RAPGEF2: variants seen among roughly 807,000 people sequenced by gnomAD.
The protein encoded by RAPGEF2 is Rap guanine nucleotide exchange factor 2.
RAPGEF2 carries 54 observed loss-of-function variants against 186.7 expected under a neutral mutation model. The ratio of observed to expected loss-of-function variants is 0.29; its 90% CI spans 0.23 to 0.36. RAPGEF2 has a LOEUF of 0.36. RAPGEF2 is among the 10% of genes least tolerant of loss of function. The pLI, the probability that RAPGEF2 is intolerant of heterozygous loss-of-function variation, is 1.00. For missense variants in RAPGEF2, 1,532 were observed against 2,045.0 expected (o/e 0.75, Z 4.84); for synonymous variants, 712 against 705.9 (o/e 1.01, Z -0.14).
At chr4:159,144,996 C>G (rs558570053) in intron 1 of RAPGEF2, among the ~76,000 whole-genome samples, 5 of 146,294 alleles carry the variant, frequency 3.4e-5, no homozygotes, top group African/African-American at 1.3e-4. Flanking sequence ...TCAGGTGATT[C>G]TCCCACCTCA....
chr4:159,331,595 C>G, intron 14 of RAPGEF2, 35 bp from the exon 15 acceptor site: 1 of 1,611,652 alleles, frequency 6.2e-7, no homozygotes, highest in Non-Finnish European at 8.5e-7. Context: ...TCAGCCTGTT[C>G]TTGAGTTGAC....
intron 8 of RAPGEF2, among the ~76,000 whole-genome samples, chr4:159,308,339 GGA>G (rs1763554363): frequency 6.6e-6 from 1 of 152,190 alleles, no homozygotes; most frequent in Admixed American, 6.5e-5. Context: ...ATGTATCTAA[GGA>G]TCTAGTTATT....
intron 3 of RAPGEF2, among the ~76,000 whole-genome samples, chr4:159,199,619 AG>A (rs1749195200): frequency 6.6e-6 from 1 of 152,208 alleles, no homozygotes; most frequent in Non-Finnish European, 1.5e-5. Context: ...GAAACTGCTT[AG>A]TGAATAAAAA....
intron 1 of RAPGEF2, among the ~76,000 whole-genome samples, chr4:159,178,501 G>T (rs551421167): frequency 6.6e-6 from 1 of 150,970 alleles, no homozygotes; most frequent in Non-Finnish European, 1.5e-5. Flanking sequence ...AGAGAGCCCA[G>T]GATGTGGGGT....
intron 7 of RAPGEF2, among the ~76,000 whole-genome samples, chr4:159,289,843 A>G (rs923627561): frequency 8.5e-5 from 13 of 152,172 alleles, no homozygotes; most frequent in African/African-American, 3.1e-4. Flanking sequence ...GGGAACAATG[A>G]AGACCCAGGA....
Position 159,329,361 on chromosome 4 carries a change from C to G in RAPGEF2, c.1150-497C>G, listed in dbSNP as rs534095106. On this transcript the variant is annotated intron_variant, in intron 11 of 29. Transcript: ENST00000691494. ...TTTTGACCTTCTTTGAACAAGCTTT[C>G]TAAAATGGTGTTTCATCAATATAAT... 3.9e-5 allele frequency: 6 copies of G among 152,390 alleles called. No homozygotes were observed. In the East Asian group the frequency reaches 7.7e-4, roughly 20 times the overall value. 9.4% of individuals were successfully genotyped at this position (152,390 alleles called of 1,614,324 possible). A position where few individuals can be genotyped will look rare whatever the true frequency, so the allele number is the denominator to read the frequency against.
At chr4:159,346,396 A>G (rs1730309257) in intron 24 of RAPGEF2, among the ~76,000 whole-genome samples, 1 of 152,226 alleles carries the variant, frequency 6.6e-6, no homozygotes, top group South Asian at 2.1e-4. Flanking sequence ...ATACATGTCA[A>G]ACAATTTGGG....
intron 7 of RAPGEF2, among the ~76,000 whole-genome samples, chr4:159,271,699 G>A (rs1026864489): frequency 1.3e-5 from 2 of 152,120 alleles, no homozygotes; most frequent in African/African-American, 2.4e-5. Context: ...TGTGTAGACT[G>A]CATAATTATC....
intron 7 of RAPGEF2, among the ~76,000 whole-genome samples, chr4:159,284,318 G>A (rs1760137350): frequency 6.6e-6 from 1 of 152,086 alleles, no homozygotes; most frequent in Non-Finnish European, 1.5e-5. Flanking sequence ...GCCTTGATTT[G>A]GAGGGAGAAG....
intron 5 of RAPGEF2, among the ~76,000 whole-genome samples, chr4:159,239,092 C>CA (rs1262065520): frequency 6.6e-6 from 1 of 151,836 alleles, no homozygotes; most frequent in African/African-American, 2.4e-5. Context: ...AATTAAATGC[C>CA]AAAAAAATTT....
At chr4:159,168,564 G>A (rs1745575791) in intron 1 of RAPGEF2, among the ~76,000 whole-genome samples, 4 of 151,898 alleles carry the variant, frequency 2.6e-5, no homozygotes. Context: ...CCAAGAGCAT[G>A]CAGATTTATT....
intron 1 of RAPGEF2, among the ~76,000 whole-genome samples, chr4:159,157,395 A>C (rs1451758793): frequency 1.3e-5 from 2 of 152,170 alleles, no homozygotes; most frequent in East Asian, 1.9e-4. Context: ...CAAGTGGGAG[A>C]GGAGGGGCAT....
chr4:159,324,417 G>GT (rs977456234), intron 11 of RAPGEF2, among the ~76,000 whole-genome samples: 16 of 152,154 alleles, frequency 1.1e-4, no homozygotes. Context: ...TGAACTGCAC[G>GT]TAACTATGTG....
At chr4:159,291,440 C>T (rs1452726529) in intron 7 of RAPGEF2, among the ~76,000 whole-genome samples, 3 of 152,144 alleles carry the variant, frequency 2.0e-5, no homozygotes, top group Non-Finnish European at 2.9e-5. Context: ...GGACTACAGA[C>T]GTGTGTCATC....
At chr4:159,206,565 A>G (rs540951436) in intron 3 of RAPGEF2, among the ~76,000 whole-genome samples, 3 of 152,280 alleles carry the variant, frequency 2.0e-5, no homozygotes, top group Admixed American at 2.0e-4. Flanking sequence ...TCACTTTCCC[A>G]TTTTTACATA....
chr4:159,290,795 A>T (rs922548824), intron 7 of RAPGEF2, among the ~76,000 whole-genome samples: 1 of 152,012 alleles, frequency 6.6e-6, no homozygotes, highest in Non-Finnish European at 1.5e-5. Flanking sequence ...AATCTATTAG[A>T]CTTCTTGCAG....
At chr4:159,223,050 TAGTG>T (rs1487159677) in intron 4 of RAPGEF2, among the ~76,000 whole-genome samples, 1 of 152,024 alleles carries the variant, frequency 6.6e-6, no homozygotes, top group Non-Finnish European at 1.5e-5. Flanking sequence ...GTTGAAATAA[TAGTG>T]AAGGAATAGC....
In RAPGEF2 at chr4:159,254,955, G is replaced by A. The variant is rs546749627; in HGVS notation, c.543+11164G>A. Among the ~76,000 whole-genome samples the A allele has an allele frequency of 3.3e-5, 5 of 152,226 alleles. No homozygotes were observed. In the South Asian group the frequency reaches 8.3e-4, roughly 25 times the overall value. ...CATAATGACATTTTTGTCAGTGAACGACCACATACACAACAGTGGTCCTGT... is the reference window on the plus strand; with the variant it reads ...CATAATGACATTTTTGTCAGTGAACAACCACATACACAACAGTGGTCCTGT... On this transcript the variant is annotated intron_variant, in intron 7 of 29. Coordinates refer to ENST00000691494, the MANE Select transcript of RAPGEF2 (RefSeq NM_001394067.2).
intron 4 of RAPGEF2, among the ~76,000 whole-genome samples, chr4:159,217,158 G>T (rs978414773): frequency 6.6e-6 from 1 of 152,048 alleles, no homozygotes; most frequent in East Asian, 1.9e-4. Context: ...TTTCAAGTGG[G>T]ATTATTTATT....
Sources: allele counts gnomAD v4.1 joint callset (sites outside exome capture counted in the v4.1 genomes callset), GRCh38; gene constraint gnomAD v4.1.1; transcripts MANE v1.5; gene names NCBI Gene and HGNC (gene_info 2026-07-23, HGNC 2026-07-21).